The following PPIP5K2 variants were observed in gnomAD, a reference collection of about 807,000 sequenced individuals.
PPIP5K2 encodes the protein inositol hexakisphosphate and diphosphoinositol-pentakisphosphate kinase 2.
Under a neutral mutation model 154.6 loss-of-function variants are expected in PPIP5K2, and 105 were observed. The observed-to-expected ratio is 0.68, with a 90% CI of 0.58 to 0.80. PPIP5K2 has a LOEUF of 0.80. PPIP5K2 is among the 30% of genes least tolerant of loss of function. PPIP5K2 has a pLI of 0.00. For synonymous variants in PPIP5K2, 480 were observed against 490.3 expected, an observed-to-expected ratio of 0.98 and a Z score of 0.28; for missense variants, 992 against 1,504.6, an observed-to-expected ratio of 0.66 and a Z score of 5.64.
intron 26 of PPIP5K2, among the ~76,000 whole-genome samples, chr5:103,185,921 A>G (rs142215162): frequency 6.6e-6 from 1 of 151,680 alleles, no homozygotes; most frequent in Non-Finnish European, 1.5e-5. Context: ...AATTTGTGCT[A>G]GAAGGAGTGT....
intron 24 of PPIP5K2, 27 bp from the exon 25 acceptor site, chr5:103,183,207 T>TCCCC: frequency 1.2e-6 from 1 of 860,732 alleles, no homozygotes; most frequent in Non-Finnish European, 1.5e-6. Context: ...TTTTTTTTTT[T>TCCCC]TTTTTTGCCC....
At chr5:103,178,415 G>C (rs993782156) in intron 23 of PPIP5K2, among the ~76,000 whole-genome samples, 17 of 151,604 alleles carry the variant, frequency 1.1e-4, no homozygotes, top group Admixed American at 3.9e-4. Context: ...TTGATTGGTT[G>C]GTTTCTGAAT....
Position 103,203,697 on chromosome 5 carries a change from C to G in PPIP5K2, c.*2063C>G, listed in dbSNP as rs1379030319. The G allele has an allele frequency of 6.6e-6, 1 of 152,180 alleles. No individual in the cohort carries two copies. Among genetic ancestry groups the G allele is most frequent in the African/African-American group, 2.4e-5 (1 of 41,440 alleles). The allele number at this position is 152,180 out of a possible 1,614,324, so 9.4% of individuals were successfully genotyped here. ...GAACTAGCCCAGCATGAAGAATTGT[C>G]TAGTCACCCTGAGATATTAATCTTC... On this transcript the variant is annotated 3_prime_UTR_variant, in exon 31 of 31. Transcript: ENST00000358359.
chr5:103,166,188 A>C (rs1171211543), intron 17 of PPIP5K2, among the ~76,000 whole-genome samples: 2 of 152,060 alleles, frequency 1.3e-5, no homozygotes, highest in African/African-American at 4.8e-5. Context: ...TGGGACGCTC[A>C]AGGCATTTTG....
chr5:103,205,207 T>A lies in PPIP5K2; in HGVS notation c.*3573T>A, dbSNP rs578212946. 4 of 152,318 alleles carry A rather than the reference T, an allele frequency of 2.6e-5. No individual in the cohort carries two copies. The Middle Eastern group carries it at 0.01, about 389-fold the overall frequency. The allele number at this position is 152,318 out of a possible 1,614,324, so 9.4% of individuals were successfully genotyped here. A position where few individuals can be genotyped will look rare whatever the true frequency, so the allele number is the denominator to read the frequency against. On this transcript the variant is annotated 3_prime_UTR_variant, in exon 31 of 31. Coordinates refer to ENST00000358359, the MANE Select transcript of PPIP5K2 (RefSeq NM_001276277.3). ...TTTTTGGCTGCATAGTATTCCATGG[T>A]GTATATGTGCCACATTTTCTTAATC...
chr5:103,151,280 C>T lies in PPIP5K2; in HGVS notation c.934C>T (p.Arg312Trp). 6.2e-7 allele frequency: 1 copy of T among 1,605,558 alleles called. No homozygotes were observed. The highest frequency in any genetic ancestry group is 8.5e-7 in the Non-Finnish European group (1 of 1,174,798). ...KQTVCGFDLLRANGQSYVCDV... is the reference protein window; with the variant it reads ...KQTVCGFDLLWANGQSYVCDV... ...AACAGTTTGTGGCTTTGATTTGTTA[C>T]GGGCCAATGGACAGTCCTATGTCTG... is the stretch of plus-strand genomic sequence containing the variant. The change falls in exon 9 of 31, where the codon CGG (arginine) becomes TGG (tryptophan). Residue 312 changes from arginine to tryptophan, a missense_variant. Arg to Trp is a moderately radical substitution (Grantham distance 101, BLOSUM62 -3). Around this residue, in one of 9 missense-constraint regions of PPIP5K2, gnomAD observed 163 missense variants for 285.2 expected, o/e 0.57. Coordinates refer to ENST00000358359, the MANE Select transcript of PPIP5K2 (RefSeq NM_001276277.3).
intron 2 of PPIP5K2, among the ~76,000 whole-genome samples, chr5:103,132,057 A>G (rs565153640): frequency 2.0e-5 from 3 of 152,300 alleles, no homozygotes; most frequent in African/African-American, 7.2e-5. Context: ...GAACTGTACC[A>G]AAACTTTTGA....
rs1803600174 is a variant in PPIP5K2, at chr5:103,207,824, T to G, written c.*6190T>G. The G allele has an allele frequency of 6.6e-6, 1 of 152,096 alleles. No homozygotes were observed. Among genetic ancestry groups the G allele is most frequent in the Non-Finnish European group, 1.5e-5 (1 of 68,012 alleles). The allele number at this position is 152,096 out of a possible 1,614,324, so 9.4% of individuals were successfully genotyped here. On this transcript the variant is annotated 3_prime_UTR_variant, in exon 31 of 31. Coordinates refer to ENST00000358359, the MANE Select transcript of PPIP5K2 (RefSeq NM_001276277.3). Reference sequence around the variant, plus strand: ...GTTATGACAGTATATTTGGTCACATTTTTCATGTGCTCAGCTGATTCATTC... The same window carrying G: ...GTTATGACAGTATATTTGGTCACATGTTTCATGTGCTCAGCTGATTCATTC...
At position 103,186,386 on chromosome 5, in the gene PPIP5K2, A is replaced by G. The variant is rs1172079398; in HGVS notation, c.3236A>G (p.Gln1079Arg). 1.9e-6 allele frequency: 3 copies of G among 1,613,836 alleles called. No individual in the cohort carries two copies. Among genetic ancestry groups the G allele is most frequent in the Non-Finnish European group, 2.5e-6 (3 of 1,179,900 alleles). Residue 1079 changes from glutamine (Q) to arginine (R), a missense_variant, in exon 27 of 31, where the codon CAG becomes CGG. Gln to Arg is a conservative substitution (Grantham distance 43). Around this residue, in one of 9 missense-constraint regions of PPIP5K2, gnomAD observed 204 missense variants for 224.0 expected, o/e 0.91. Coordinates refer to ENST00000358359, the MANE Select transcript of PPIP5K2 (RefSeq NM_001276277.3). ...LGGSSSAPNL[Q>R]DYARTHRKKL... ...GGTTCTTCAAGCGCACCTAACCTACAGGATTATGCTCGTACTCATCGTAAA... is the reference window on the plus strand; with the variant it reads ...GGTTCTTCAAGCGCACCTAACCTACGGGATTATGCTCGTACTCATCGTAAA...
At chr5:103,175,344 A>G (rs1303394441) in intron 21 of PPIP5K2, among the ~76,000 whole-genome samples, 2 of 152,118 alleles carry the variant, frequency 1.3e-5, no homozygotes, top group Non-Finnish European at 2.9e-5. Context: ...GTCCCACTAA[A>G]GAATAGAAAA....
intron 17 of PPIP5K2, among the ~76,000 whole-genome samples, 156 bp downstream of exon 17, chr5:103,159,484 C>G (rs1446045675): frequency 2.0e-5 from 3 of 152,098 alleles, no homozygotes; most frequent in Non-Finnish European, 4.4e-5. Flanking sequence ...ACAACTTTGG[C>G]TTCTGTATGC....
At chr5:103,132,885 C>A (rs1321234453) in intron 2 of PPIP5K2, among the ~76,000 whole-genome samples, 2 of 152,122 alleles carry the variant, frequency 1.3e-5, no homozygotes, top group African/African-American at 4.8e-5. Flanking sequence ...ATCAGTAACA[C>A]CAATGAGTAG....
intron 19 of PPIP5K2, among the ~76,000 whole-genome samples, chr5:103,172,824 G>A (rs548517072): frequency 1.3e-5 from 2 of 151,642 alleles, no homozygotes; most frequent in South Asian, 2.1e-4. Flanking sequence ...TAGTGTTTGT[G>A]GCCTTAATCC....
intron 17 of PPIP5K2, among the ~76,000 whole-genome samples, chr5:103,160,835 A>G (rs2149622918): frequency 6.6e-6 from 1 of 152,282 alleles, no homozygotes; most frequent in Non-Finnish European, 1.5e-5. Context: ...GCACCTGTGC[A>G]ATGAGCATAC....
In PPIP5K2 at chr5:103,211,013, G is replaced by A. The variant is rs145614858; in HGVS notation, c.*9379G>A. On this transcript the variant is annotated 3_prime_UTR_variant, in exon 31 of 31. Transcript: ENST00000358359. ...TTCTAGACTGTAAAGGCAGATGGCC[G>A]TGAGTGGAAATCTGAGTGTATAGGA... The A allele has an allele frequency of 1.2e-4, 18 of 152,210 alleles. No homozygotes were observed. The highest frequency in any genetic ancestry group is 3.8e-4 in the African/African-American group (16 of 41,560). 9.4% of individuals were successfully genotyped at this position (152,210 alleles called of 1,614,324 possible). A position where few individuals can be genotyped will look rare whatever the true frequency, so the allele number is the denominator to read the frequency against.
At chr5:103,199,375 T>C (rs1802619797) in intron 30 of PPIP5K2, among the ~76,000 whole-genome samples, 1 of 152,132 alleles carries the variant, frequency 6.6e-6, no homozygotes, top group African/African-American at 2.4e-5. Flanking sequence ...AAAAATGGCT[T>C]TATTTTGCCT....
chr5:103,139,554 G>C (rs1792195650), intron 5 of PPIP5K2, among the ~76,000 whole-genome samples: 1 of 152,124 alleles, frequency 6.6e-6, no homozygotes, highest in Non-Finnish European at 1.5e-5. Context: ...TCTCAAGAAG[G>C]ATGGATACAA....
At chr5:103,120,523 C>G in intron 1 of PPIP5K2, 35 bp downstream of exon 1, 1 of 456,610 alleles carries the variant, frequency 2.2e-6, no homozygotes, top group South Asian at 1.5e-5. Flanking sequence ...ACCGGAGATG[C>G]GGAACCTGAT....
chr5:103,140,880 T>C (rs149947958), intron 5 of PPIP5K2, among the ~76,000 whole-genome samples: 1 of 148,262 alleles, frequency 6.7e-6, no homozygotes, highest in Admixed American at 6.7e-5. Flanking sequence ...CATGAAGACA[T>C]AATATACTTT....
Sources: gnomAD v4.1 joint callset for allele counts (sites outside exome capture counted in the v4.1 genomes callset) on GRCh38, gnomAD v4.1.1 for gene constraint, gnomAD v4.1.1 regional missense constraint, MANE v1.5 for transcripts, NCBI Gene and HGNC (gene_info 2026-07-23, HGNC 2026-07-21) for gene names.